CABCOCO1: variants seen among roughly 807,000 people sequenced by gnomAD.
CABCOCO1 encodes the protein ciliary associated calcium binding coiled-coil 1.
Under a neutral mutation model 35.7 loss-of-function variants are expected in CABCOCO1, and 28 were observed. The observed-to-expected ratio is 0.78, with a 90% CI of 0.58 to 1.07. The LOEUF is 1.07. Ranked by LOEUF, CABCOCO1 falls within the 50% of genes least tolerant of loss-of-function variation. The probability of loss-of-function intolerance (pLI) is 0.00; values close to 1 mark genes in which losing one functional copy is unlikely to be tolerated. For missense variants in CABCOCO1, 326 were observed against 309.2 expected (o/e 1.05, Z -0.41); for synonymous variants, 95 against 100.1 (o/e 0.95, Z 0.30).
At chr10:61,700,591 C>T (rs1840422645) in intron 5 of CABCOCO1, among the ~76,000 whole-genome samples, 2 of 151,978 alleles carry the variant, frequency 1.3e-5, no homozygotes, top group African/African-American at 4.8e-5. Context: ...AGTGGTTTGG[C>T]AAGATATATC....
chr10:61,705,052 T>G (rs1840561459), intron 5 of CABCOCO1, among the ~76,000 whole-genome samples: 1 of 152,226 alleles, frequency 6.6e-6, no homozygotes, highest in African/African-American at 2.4e-5. Context: ...AAACAAAATT[T>G]ATTCATTTGA....
chr10:61,739,888 G>A (rs1841511024), intron 5 of CABCOCO1, among the ~76,000 whole-genome samples: 1 of 152,192 alleles, frequency 6.6e-6, no homozygotes, highest in Admixed American at 6.5e-5. Flanking sequence ...GCTGCAGTGA[G>A]CAGAGATCGC....
chr10:61,696,649 C>G (rs1199237318), intron 5 of CABCOCO1, among the ~76,000 whole-genome samples: 2 of 151,924 alleles, frequency 1.3e-5, no homozygotes, highest in African/African-American at 4.8e-5. Context: ...AGACACACAC[C>G]CTCATACCCG....
chr10:61,705,893 C>T (rs1346889161), intron 5 of CABCOCO1, among the ~76,000 whole-genome samples: 3 of 152,168 alleles, frequency 2.0e-5, no homozygotes, highest in Non-Finnish European at 4.4e-5. Flanking sequence ...CAAGCTTAAC[C>T]ACTGTCCGAA....
At chr10:61,666,074 G>A (rs1047744307) in intron 1 of CABCOCO1, among the ~76,000 whole-genome samples, 1 of 152,108 alleles carries the variant, frequency 6.6e-6, no homozygotes, top group African/African-American at 2.4e-5. Flanking sequence ...TGCATTCACG[G>A]CTTTATCAGG....
At chr10:61,704,801 C>A (rs1009972123) in intron 5 of CABCOCO1, among the ~76,000 whole-genome samples, 2 of 149,780 alleles carry the variant, frequency 1.3e-5, no homozygotes, top group African/African-American at 2.5e-5. Flanking sequence ...AAAATGCTTA[C>A]TCCATTTTTT....
intron 5 of CABCOCO1, among the ~76,000 whole-genome samples, chr10:61,744,464 CTTTG>C (rs1841613515): frequency 6.6e-6 from 1 of 152,064 alleles, no homozygotes; most frequent in Non-Finnish European, 1.5e-5. Context: ...GTAATTTACA[CTTTG>C]TTTAAGCAAA....
At chr10:61,687,316 G>A (rs1208462283) in intron 4 of CABCOCO1, among the ~76,000 whole-genome samples, 2 of 152,286 alleles carry the variant, frequency 1.3e-5, no homozygotes, top group East Asian at 1.9e-4. Context: ...TGGGGGAGAC[G>A]ACGGTAATCC....
At chr10:61,670,726 A>G (rs1455774413) in intron 1 of CABCOCO1, among the ~76,000 whole-genome samples, 1 of 152,138 alleles carries the variant, frequency 6.6e-6, no homozygotes, top group East Asian at 1.9e-4. Context: ...ACAAAGTCTC[A>G]TAATTTTTTA....
rs1048033704 is a variant in CABCOCO1 at position 61,739,928 on chromosome 10, C to T, written c.553-20131C>T. 6.6e-5 allele frequency among the ~76,000 whole-genome samples: 10 copies of T among 151,914 alleles called. No individual in the cohort carries two copies. In the East Asian group the frequency reaches 7.7e-4, roughly 12 times the overall value. ...CTGCGCTCCAGCCTGGGCGACAGAG[C>T]GAGACTCCGTCTCAAAAAAAAAATT... On this transcript the variant is annotated intron_variant, in intron 5 of 7. Coordinates refer to ENST00000648843, the MANE Select transcript of CABCOCO1 (RefSeq NM_001366906.2).
At chr10:61,665,722 C>T (rs1245224440) in intron 1 of CABCOCO1, among the ~76,000 whole-genome samples, 1 of 151,554 alleles carries the variant, frequency 6.6e-6, no homozygotes, top group Middle Eastern at 3.2e-3. Flanking sequence ...CCCGTCTTTA[C>T]TAAAAATACA....
intron 5 of CABCOCO1, among the ~76,000 whole-genome samples, chr10:61,702,246 C>T (rs1444291572): frequency 6.6e-6 from 1 of 152,128 alleles, no homozygotes; most frequent in Non-Finnish European, 1.5e-5. Flanking sequence ...AGTATGTGAC[C>T]ATCAAACCCA....
At chr10:61,719,687 C>T (rs559183386) in intron 5 of CABCOCO1, among the ~76,000 whole-genome samples, 1 of 151,976 alleles carries the variant, frequency 6.6e-6, no homozygotes, top group Non-Finnish European at 1.5e-5. Flanking sequence ...TTTGGGAGGC[C>T]GAGAGGTGGA....
chr10:61,692,841 A>C (rs1003408005), intron 5 of CABCOCO1, among the ~76,000 whole-genome samples: 1 of 152,168 alleles, frequency 6.6e-6, no homozygotes, highest in South Asian at 2.1e-4. Flanking sequence ...TCCATTTCAG[A>C]ATTACCTCAT....
chr10:61,714,296 G>A (rs373640032), intron 5 of CABCOCO1, among the ~76,000 whole-genome samples: 110 of 152,148 alleles, frequency 7.2e-4, no homozygotes, highest in African/African-American at 2.2e-3. Flanking sequence ...GTTTATTTGC[G>A]TAGAGGTGTT....
chr10:61,698,879 G>C (rs1331541221), intron 5 of CABCOCO1, among the ~76,000 whole-genome samples: 1 of 151,980 alleles, frequency 6.6e-6, no homozygotes, highest in Non-Finnish European at 1.5e-5. Context: ...AAACAGCATT[G>C]CACATTAGAT....
At chr10:61,668,355 C>G (rs1463649057) in intron 1 of CABCOCO1, among the ~76,000 whole-genome samples, 1 of 151,746 alleles carries the variant, frequency 6.6e-6, no homozygotes, top group South Asian at 2.1e-4. Flanking sequence ...CTATGCTGGC[C>G]TCTTAAAAAT....
At chr10:61,725,324 G>A (rs556311294) in intron 5 of CABCOCO1, among the ~76,000 whole-genome samples, 24 of 152,256 alleles carry the variant, frequency 1.6e-4, no homozygotes, top group African/African-American at 5.1e-4. Context: ...GTTTACTGCA[G>A]CACTATTCAC....
At chr10:61,760,805 T>C in intron 6 of CABCOCO1, 58 bp from the exon 7 acceptor site, 1 of 1,535,368 alleles carries the variant, frequency 6.5e-7, no homozygotes, top group East Asian at 2.3e-5. Context: ...TTAGGTTCCA[T>C]ATAAATCACC....
Sources: allele counts gnomAD v4.1 joint callset (sites outside exome capture counted in the v4.1 genomes callset), GRCh38; gene constraint gnomAD v4.1.1; transcripts MANE v1.5; gene names NCBI Gene and HGNC (gene_info 2026-07-23, HGNC 2026-07-21).